The following VWA3B variants were observed in gnomAD, a reference collection of about 807,000 sequenced individuals.
VWA3B encodes the protein von Willebrand factor A domain-containing protein 3B.
In VWA3B, 138 loss-of-function variants were observed where a neutral mutation model predicts 158.3. The ratio of observed to expected loss-of-function variants is 0.87; its 90% CI spans 0.76 to 1.00. The LOEUF (loss-of-function observed/expected upper bound fraction) is 1.00. Among genes scored for constraint, VWA3B ranks in the 50% least tolerant of loss-of-function variants. The pLI is 0.00. For synonymous variants in VWA3B, 596 were observed against 587.3 expected (o/e 1.01, Z -0.21); for missense variants, 1,555 against 1,565.1 (o/e 0.99, Z 0.11).
chr2:98,094,671 T>A (rs539712747), intron 2 of VWA3B, among the ~76,000 whole-genome samples: 1 of 152,286 alleles, frequency 6.6e-6, no homozygotes, highest in South Asian at 2.1e-4. Context: ...GCCTGTGCTT[T>A]TGAGGTCATA....
Position 98,270,845 on chromosome 2 carries a change from G to C in VWA3B, c.3007G>C (p.Ala1003Pro). The change falls in exon 22 of 28, where the codon GCT becomes CCT. Residue 1003 changes from alanine (A) to proline (P), a missense_variant. By Grantham distance (27) the Ala-to-Pro change is conservative (BLOSUM62 -1). Transcript: ENST00000477737. ...CCAGCAGGCCATGGAACTCCAGGAG[G>C]CTGCCAAGAAGAATTATGCAAACAA... ...YIQQAMELQE[A>P]AKKNYANKAP... 6.2e-7 allele frequency: 1 copy of C among 1,614,066 alleles called. No individual in the cohort carries two copies. Among genetic ancestry groups the C allele is most frequent in the Non-Finnish European group, 8.5e-7 (1 of 1,179,962 alleles).
intron 7 of VWA3B, among the ~76,000 whole-genome samples, chr2:98,153,516 T>G (rs1329454030): frequency 1.3e-5 from 2 of 152,204 alleles, no homozygotes; most frequent in Admixed American, 6.5e-5. Context: ...GCTGCTATGC[T>G]TAAAGGGAAA....
At chr2:98,205,834 A>G (rs558877885) in intron 12 of VWA3B, among the ~76,000 whole-genome samples, 2 of 152,268 alleles carry the variant, frequency 1.3e-5, no homozygotes, top group African/African-American at 4.8e-5. Flanking sequence ...GGAAATTTTC[A>G]TGTTGTCTTT....
intron 7 of VWA3B, among the ~76,000 whole-genome samples, chr2:98,145,341 A>G (rs1386141287): frequency 6.6e-6 from 1 of 152,162 alleles, no homozygotes; most frequent in Non-Finnish European, 1.5e-5. Context: ...AGCTCACTCA[A>G]TCTTCATAAC....
intron 2 of VWA3B, chr2:98,099,328 A>C (rs1682928589): frequency 6.6e-6 from 1 of 152,158 alleles, no homozygotes; most frequent in Non-Finnish European, 1.5e-5. Context: ...TCATTTGGGA[A>C]GGACAGCTTT....
At chr2:98,127,365 T>C (rs1304253398) in intron 5 of VWA3B, among the ~76,000 whole-genome samples, 1 of 152,044 alleles carries the variant, frequency 6.6e-6, no homozygotes, top group African/African-American at 2.4e-5. Context: ...TTGCCTGAGG[T>C]GACAGAGCTC....
At chr2:98,129,243 G>T (rs1034877807) in intron 6 of VWA3B, among the ~76,000 whole-genome samples, 6 of 150,958 alleles carry the variant, frequency 4.0e-5, no homozygotes. Flanking sequence ...GTGTGTGTGT[G>T]TGTGTGTGTG....
At chr2:98,274,200 C>A (rs762022425) in intron 22 of VWA3B, among the ~76,000 whole-genome samples, 1 of 152,084 alleles carries the variant, frequency 6.6e-6, no homozygotes, top group Non-Finnish European at 1.5e-5. Context: ...AATGCATGGG[C>A]CCAGCCTAAT....
chr2:98,148,932 A>C (rs185472559), intron 7 of VWA3B, among the ~76,000 whole-genome samples: 1 of 152,222 alleles, frequency 6.6e-6, no homozygotes, highest in African/African-American at 2.4e-5. Context: ...CGTTATCCAA[A>C]TAAACGTTCA....
At chr2:98,314,253 A>G (rs2055594), downstream of VWA3B, among the ~76,000 whole-genome samples, 93,145 of 152,084 alleles carry the variant, frequency 0.61, 28,881 homozygotes, top group Non-Finnish European at 0.66. Context: ...GCAGAGAGCT[A>G]CAGAGAGAAA....
intron 13 of VWA3B, chr2:98,216,879 A>T: frequency 1.6e-6 from 2 of 1,232,998 alleles, no homozygotes; most frequent in Non-Finnish European, 1.1e-6. Context: ...GCAGTGCTGG[A>T]TGAGCTTCAA....
chr2:98,270,955 C>T lies in VWA3B; in HGVS notation c.3045+72C>T. On this transcript the variant is annotated intron_variant, in intron 22 of 27. Transcript: ENST00000477737. ...CAAGTCATTGCCATTCCTACATTGG[C>T]TTCCTTCTCTGTCTCCCACTCCCCG... The T allele has an allele frequency of 1.3e-5, 19 of 1,470,482 alleles. No homozygotes were observed. In the South Asian group the frequency reaches 2.2e-4, roughly 17 times the overall value. 91.1% of individuals were successfully genotyped at this position (1,470,482 alleles called of 1,614,324 possible). A position where few individuals can be genotyped will look rare whatever the true frequency, so the allele number is the denominator to read the frequency against.
chr2:98,171,293 T>C lies in VWA3B; in HGVS notation c.1114+8317T>C, dbSNP rs116313687. On this transcript the variant is annotated intron_variant, in intron 8 of 27. Coordinates refer to ENST00000477737, the MANE Select transcript of VWA3B (RefSeq NM_144992.5). ...AAATCGGATGAACACAAATGGGGTA[T>C]TTACGATTGAGGAAAAGTGGGAGCT... is the stretch of plus-strand genomic sequence containing the variant. 6.7e-3 allele frequency among the ~76,000 whole-genome samples: 1,020 copies of C among 152,192 alleles called. 6 individuals are homozygous for C. The highest frequency in any genetic ancestry group is 0.011 in the Non-Finnish European group (737 of 68,014).
At chr2:98,248,194 TAATA>T (rs1229701114) in intron 19 of VWA3B, among the ~76,000 whole-genome samples, 16 of 152,288 alleles carry the variant, frequency 1.1e-4, no homozygotes, top group African/African-American at 3.6e-4. Flanking sequence ...AACAACCTAA[TAATA>T]AATAAACAAT....
In VWA3B at chr2:98,140,010, C is replaced by T. The variant is rs569689073; in HGVS notation, c.988+6071C>T. On this transcript the variant is annotated intron_variant, in intron 7 of 27. Transcript: ENST00000477737. ...GAGACCACAAGCCCACCGGGAGGAA[C>T]GAACAACTCCAGAAGCGCCGCCTTA... is the stretch of plus-strand genomic sequence containing the variant. Among the ~76,000 whole-genome samples, 127 of 152,150 alleles carry T rather than the reference C, an allele frequency of 8.3e-4. 3 individuals are homozygous for T. In the South Asian group the frequency reaches 0.025, roughly 30 times the overall value.
intron 2 of VWA3B, among the ~76,000 whole-genome samples, chr2:98,113,154 T>C (rs1241536781): frequency 6.6e-6 from 1 of 152,068 alleles, no homozygotes; most frequent in Non-Finnish European, 1.5e-5. Context: ...GTTTTATTGA[T>C]TGCATTTTCT....
At chr2:98,093,039 G>A in intron 1 of VWA3B, 22 bp from the exon 2 acceptor site, 1 of 1,560,044 alleles carries the variant, frequency 6.4e-7, no homozygotes, top group Non-Finnish European at 8.7e-7. Context: ...TAGGAAGTCT[G>A]AGTTTATGAT....
intron 9 of VWA3B, among the ~76,000 whole-genome samples, 197 bp downstream of exon 9, chr2:98,181,409 G>A (rs1027455366): frequency 2.0e-5 from 3 of 152,192 alleles, no homozygotes; most frequent in Admixed American, 6.5e-5. Flanking sequence ...GATCAAGGCT[G>A]GGAATGAGTT....
intron 19 of VWA3B, among the ~76,000 whole-genome samples, chr2:98,239,681 G>A (rs966035861): frequency 3.9e-5 from 6 of 152,018 alleles, no homozygotes; most frequent in Admixed American, 1.3e-4. Context: ...TCAGGAGGCC[G>A]AGGCAGCGGA....
Sources: allele counts gnomAD v4.1 joint callset (sites outside exome capture counted in the v4.1 genomes callset), GRCh38; gene constraint gnomAD v4.1.1; transcripts MANE v1.5; gene names NCBI Gene and HGNC (gene_info 2026-07-23, HGNC 2026-07-21).